The following POLK variants were observed in gnomAD, a reference collection of about 807,000 sequenced individuals.
POLK encodes the protein DNA polymerase kappa.
POLK carries 76 observed loss-of-function variants against 94.0 expected under a neutral mutation model. The ratio of observed to expected loss-of-function variants is 0.81; its 90% CI spans 0.67 to 0.98. The LOEUF (loss-of-function observed/expected upper bound fraction) is 0.98, where lower values mean the gene tolerates loss of function less well. Among genes scored for constraint, POLK ranks in the 50% least tolerant of loss-of-function variants. The pLI, the probability that POLK is intolerant of heterozygous loss-of-function variation, is 0.00. For missense variants in POLK, 954 were observed against 1,010.1 expected (o/e 0.94, Z 0.75); for synonymous variants, 349 against 325.4 (o/e 1.07, Z -0.78).
chr5:75,550,899 A>C (rs776085719), intron 2 of POLK, among the ~76,000 whole-genome samples: 1 of 152,156 alleles, frequency 6.6e-6, no homozygotes, highest in Non-Finnish European at 1.5e-5. Context: ...TAGTCCTAAC[A>C]GTTCTAACCA....
At chr5:75,524,802 C>T (rs1050450650) in intron 1 of POLK, among the ~76,000 whole-genome samples, 2 of 152,088 alleles carry the variant, frequency 1.3e-5, no homozygotes, top group Non-Finnish European at 2.9e-5. Context: ...ATTATTCTGT[C>T]CAAAAGAACC....
intron 3 of POLK, among the ~76,000 whole-genome samples, chr5:75,562,154 T>G (rs1258199315): frequency 6.6e-6 from 1 of 152,236 alleles, no homozygotes. Context: ...GGAATGTTTT[T>G]CCATTTGTTT....
rs182510674 is a variant in POLK at position 75,552,522 on chromosome 5, A to T, written c.186A>T (p.Gln62His). 3.2e-5 allele frequency: 52 copies of T among 1,613,062 alleles called. No homozygotes were observed. In the African/African-American group the frequency reaches 6.5e-4, roughly 20 times the overall value. ...TCAAGAAAGAAAAGCAAGTCAACCA[A>T]CGAATTGAAAATATGATGCAACAAA... The change falls in exon 3 of 15, where the codon CAA (glutamine) becomes CAT (histidine). Residue 62 changes from glutamine (Q) to histidine (H), a missense_variant. Transcript: ENST00000241436.
chr5:75,575,396 G>C (rs1771822071), intron 5 of POLK, among the ~76,000 whole-genome samples: 1 of 152,084 alleles, frequency 6.6e-6, no homozygotes, highest in Admixed American at 6.6e-5. Context: ...GCTCAGGCTA[G>C]GCTTAAACTC....
intron 3 of POLK, among the ~76,000 whole-genome samples, chr5:75,567,832 A>C (rs943030456): frequency 6.6e-6 from 1 of 152,242 alleles, no homozygotes; most frequent in Non-Finnish European, 1.5e-5. Context: ...AGCCTGAGGA[A>C]GGCATAGAGC....
chr5:75,583,444 A>C, intron 8 of POLK, 27 bp downstream of exon 8: 1 of 1,441,760 alleles, frequency 6.9e-7, no homozygotes, highest in Non-Finnish European at 9.7e-7. Flanking sequence ...AAGTTTATTT[A>C]TATATGTACT....
chr5:75,587,921 A>C (rs193087017), intron 10 of POLK, among the ~76,000 whole-genome samples: 1 of 152,298 alleles, frequency 6.6e-6, no homozygotes, highest in East Asian at 1.9e-4. Context: ...CTCTGTCTCA[A>C]AATCAAAACA....
chr5:75,600,280 G>A (rs188184384), exon 15 of POLK: 33 of 152,192 alleles, frequency 2.2e-4, no homozygotes, highest in African/African-American at 7.0e-4. Flanking sequence ...CTACAAGGAG[G>A]TATTACATCT....
At chr5:75,513,749 T>G (rs1472235316) in intron 1 of POLK, among the ~76,000 whole-genome samples, 1 of 152,244 alleles carries the variant, frequency 6.6e-6, no homozygotes, top group African/African-American at 2.4e-5. Context: ...GAAAATCTTT[T>G]AGTCTAAAAA....
chr5:75,538,100 C>T (rs1769543733), intron 1 of POLK, among the ~76,000 whole-genome samples: 1 of 152,150 alleles, frequency 6.6e-6, no homozygotes, highest in South Asian at 2.1e-4. Flanking sequence ...TTGTGATCCA[C>T]CCGCCTCGGC....
At chr5:75,533,976 G>A (rs548807233) in intron 1 of POLK, among the ~76,000 whole-genome samples, 1 of 152,112 alleles carries the variant, frequency 6.6e-6, no homozygotes, top group Non-Finnish European at 1.5e-5. Context: ...ACATCAAGGA[G>A]CTTTTGGAGC....
At position 75,566,304 on chromosome 5, in the gene POLK, C is replaced by T. The variant is rs192248451; in HGVS notation, c.256-3036C>T. Among the ~76,000 whole-genome samples the T allele has an allele frequency of 1.1e-3, 166 of 152,322 alleles. 2 individuals carry two copies. The highest frequency in any genetic ancestry group is 3.7e-3 in the African/African-American group (154 of 41,584). On this transcript the variant is annotated intron_variant, in intron 3 of 14. Coordinates refer to ENST00000241436, the Ensembl canonical transcript of POLK. The stretch of plus-strand genomic sequence containing the variant: ...CAGTGGATCTTAGCTTGCTGGGCTC[C>T]GTGGGCGTGGGATCCGCTGAGCCAG...
intron 10 of POLK, among the ~76,000 whole-genome samples, chr5:75,589,291 A>G (rs947964978): frequency 6.6e-6 from 1 of 151,986 alleles, no homozygotes; most frequent in African/African-American, 2.4e-5. Flanking sequence ...AATTGAGAAA[A>G]GCAGGGTACT....
exon 15 of POLK, chr5:75,601,080 A>G (rs1773286409): frequency 6.6e-6 from 1 of 152,132 alleles, no homozygotes; most frequent in African/African-American, 2.4e-5. Flanking sequence ...CTCTTTATAC[A>G]TATATATTTT....
chr5:75,558,400 T>C (rs1770757883), intron 3 of POLK, among the ~76,000 whole-genome samples: 1 of 152,188 alleles, frequency 6.6e-6, no homozygotes, highest in Admixed American at 6.5e-5. Context: ...AATGGTGTTA[T>C]GTTTTCCCTG....
At chr5:75,550,573 C>T (rs1462755343) in intron 2 of POLK, among the ~76,000 whole-genome samples, 1 of 145,958 alleles carries the variant, frequency 6.9e-6, no homozygotes, top group East Asian at 1.9e-4. Flanking sequence ...AGCAAGACTC[C>T]TTCTCAGAAA....
intron 6 of POLK, among the ~76,000 whole-genome samples, chr5:75,577,800 G>A (rs1472685047): frequency 1.3e-5 from 2 of 152,254 alleles, no homozygotes; most frequent in East Asian, 1.9e-4. Flanking sequence ...TTTGATGCAA[G>A]TTTAATATGG....
rs1191043861 is a variant in POLK, at chr5:75,596,658, CTT to C, written c.1967_1968del (p.Phe656Ter). 6.2e-7 allele frequency: 1 copy of C among 1,614,008 alleles called. No individual in the cohort carries two copies. Among genetic ancestry groups the C allele is most frequent in the Non-Finnish European group, 8.5e-7 (1 of 1,179,920 alleles). Reference sequence around the variant, plus strand: ...TTGATGGACCTTCAATCAGTGAAAACTTTAAAATGTTCTCGTGTTCACATGTT... The same window carrying C: ...TTGATGGACCTTCAATCAGTGAAAACTAAAATGTTCTCGTGTTCACATGTT... On this transcript the variant is annotated frameshift_variant, in exon 13 of 15. Transcript: ENST00000241436. LOFTEE classifies it high-confidence loss of function.
upstream of POLK, chr5:75,511,523 A>C: frequency 6.8e-7 from 1 of 1,469,128 alleles, no homozygotes; most frequent in Non-Finnish European, 9.0e-7. Context: ...CCAATTTCAA[A>C]TAGGGAAGGA....
Sources: allele counts gnomAD v4.1 joint callset (sites outside exome capture counted in the v4.1 genomes callset), GRCh38; gene constraint gnomAD v4.1.1; transcripts MANE v1.5; gene names NCBI Gene and HGNC (gene_info 2026-07-23, HGNC 2026-07-21).